Variants in PLPPR1 observed in about 807,000 individuals in gnomAD.
PLPPR1 encodes the protein phospholipid phosphatase related 1, also known as phospholipid phosphatase-related protein type 1.
In PLPPR1, 10 loss-of-function variants were observed where a neutral mutation model predicts 33.1. The ratio of observed to expected loss-of-function variants is 0.30; its 90% CI spans 0.19 to 0.51. PLPPR1 has a LOEUF of 0.51. Among genes scored for constraint, PLPPR1 ranks in the 20% least tolerant of loss-of-function variants. The probability of loss-of-function intolerance (pLI) is 0.97; values close to 1 mark genes in which losing one functional copy is unlikely to be tolerated. For synonymous variants in PLPPR1, 151 were observed against 151.0 expected (o/e 1.00, Z 0.00); for missense variants, 304 against 408.1 (o/e 0.74, Z 2.20).
At chr9:101,117,719 A>C (rs1831132860) in intron 1 of PLPPR1, among the ~76,000 whole-genome samples, 1 of 152,178 alleles carries the variant, frequency 6.6e-6, no homozygotes, top group Non-Finnish European at 1.5e-5. Flanking sequence ...CCTTAGGCAA[A>C]TAGTTTAATT....
intron 6 of PLPPR1, among the ~76,000 whole-genome samples, chr9:101,316,885 G>A (rs746335296): frequency 5.9e-5 from 9 of 152,036 alleles, no homozygotes; most frequent in Non-Finnish European, 1.2e-4. Flanking sequence ...TGATTTAAGG[G>A]CTCTGGAGTT....
intron 3 of PLPPR1, among the ~76,000 whole-genome samples, chr9:101,281,332 C>A (rs1828299900): frequency 6.6e-6 from 1 of 151,982 alleles, no homozygotes; most frequent in Non-Finnish European, 1.5e-5. Context: ...GCCCATACTA[C>A]CAAAAGTGAT....
At chr9:101,230,105 A>G (rs1827150145) in intron 2 of PLPPR1, among the ~76,000 whole-genome samples, 1 of 152,116 alleles carries the variant, frequency 6.6e-6, no homozygotes, top group Admixed American at 6.6e-5. Flanking sequence ...CTGGAAATTA[A>G]ATGCATTAAA....
chr9:101,118,965 A>G (rs1831146174), intron 1 of PLPPR1, among the ~76,000 whole-genome samples: 1 of 152,066 alleles, frequency 6.6e-6, no homozygotes. Context: ...GACATCCATG[A>G]AACATGAGAA....
intron 1 of PLPPR1, among the ~76,000 whole-genome samples, chr9:101,072,517 T>C (rs1021594928): frequency 2.6e-5 from 4 of 152,026 alleles, no homozygotes; most frequent in Admixed American, 2.6e-4. Context: ...ACTGATTTGG[T>C]GTATAACAAA....
intron 2 of PLPPR1, among the ~76,000 whole-genome samples, chr9:101,260,665 G>T (rs1827882046): frequency 6.6e-6 from 1 of 152,244 alleles, no homozygotes; most frequent in East Asian, 1.9e-4. Flanking sequence ...GTTTAGACTT[G>T]TGGCATTTGG....
At chr9:101,036,204 AG>A (rs561301592) in intron 1 of PLPPR1, among the ~76,000 whole-genome samples, 1 of 152,178 alleles carries the variant, frequency 6.6e-6, no homozygotes, top group Non-Finnish European at 1.5e-5. Flanking sequence ...CTTTCCACAA[AG>A]GATACATCCT....
chr9:101,116,889 C>G (rs1179301118), intron 1 of PLPPR1, among the ~76,000 whole-genome samples: 1 of 151,858 alleles, frequency 6.6e-6, no homozygotes, highest in Non-Finnish European at 1.5e-5. Flanking sequence ...ATTAATCTTC[C>G]AAATATCACC....
chr9:101,083,183 G>A (rs547214657), intron 1 of PLPPR1, among the ~76,000 whole-genome samples: 1 of 151,566 alleles, frequency 6.6e-6, no homozygotes, highest in Admixed American at 6.6e-5. Context: ...TTTTGAGATC[G>A]AGTCTCACTC....
At chr9:101,145,509 G>A (rs1215247379) in intron 1 of PLPPR1, among the ~76,000 whole-genome samples, 1 of 151,992 alleles carries the variant, frequency 6.6e-6, no homozygotes, top group Non-Finnish European at 1.5e-5. Context: ...CTCCTCCTGA[G>A]TAGCTGGGAT....
At chr9:101,082,075 G>A (rs1830625930) in intron 1 of PLPPR1, among the ~76,000 whole-genome samples, 1 of 152,204 alleles carries the variant, frequency 6.6e-6, no homozygotes. Context: ...CTTCATTTTT[G>A]AGAGTGGAGG....
At chr9:101,305,100 G>A (rs1286527486) in intron 4 of PLPPR1, among the ~76,000 whole-genome samples, 2 of 152,088 alleles carry the variant, frequency 1.3e-5, no homozygotes, top group African/African-American at 4.8e-5. Flanking sequence ...TCAGAGTCAG[G>A]GGCCTGATAG....
chr9:101,068,208 C>G (rs1338841030), intron 1 of PLPPR1, among the ~76,000 whole-genome samples: 1 of 152,088 alleles, frequency 6.6e-6, no homozygotes, highest in Non-Finnish European at 1.5e-5. Flanking sequence ...AATGACATTA[C>G]TGAATCCAAC....
At chr9:101,116,635 A>G (rs1317466332) in intron 1 of PLPPR1, among the ~76,000 whole-genome samples, 1 of 152,114 alleles carries the variant, frequency 6.6e-6, no homozygotes, top group East Asian at 1.9e-4. Flanking sequence ...CAAGATGGTG[A>G]AACCCCATCT....
intron 1 of PLPPR1, among the ~76,000 whole-genome samples, chr9:101,111,568 T>C (rs1191407673): frequency 1.3e-5 from 2 of 152,220 alleles, no homozygotes; most frequent in African/African-American, 4.8e-5. Flanking sequence ...AAATTATCAA[T>C]GCAATTTGGT....
intron 1 of PLPPR1, among the ~76,000 whole-genome samples, chr9:101,104,506 T>C (rs1246819575): frequency 1.6e-5 from 2 of 125,602 alleles, no homozygotes; most frequent in Admixed American, 7.7e-5. Context: ...GCCCACTTGA[T>C]CATGGTGGAT....
intron 2 of PLPPR1, among the ~76,000 whole-genome samples, chr9:101,225,004 T>C (rs1827033125): frequency 6.6e-6 from 1 of 152,246 alleles, no homozygotes; most frequent in South Asian, 2.1e-4. Context: ...CATTTTGATA[T>C]CTGTCTTTGG....
intron 4 of PLPPR1, among the ~76,000 whole-genome samples, chr9:101,305,833 G>T (rs1172013081): frequency 6.6e-6 from 1 of 152,122 alleles, no homozygotes; most frequent in Admixed American, 6.6e-5. Context: ...CAGGAATAGG[G>T]TCACAGAATT....
At chr9:101,293,508 C>G (rs1034188432) in intron 4 of PLPPR1, among the ~76,000 whole-genome samples, 6 of 152,092 alleles carry the variant, frequency 3.9e-5, no homozygotes, top group African/African-American at 1.2e-4. Context: ...ACATTTTTTT[C>G]AGCCCCACAC....
Sources: allele counts gnomAD v4.1 joint callset (sites outside exome capture counted in the v4.1 genomes callset), GRCh38; gene constraint gnomAD v4.1.1; transcripts MANE v1.5; gene names NCBI Gene and HGNC (gene_info 2026-07-23, HGNC 2026-07-21).